Variants in EPHA6 observed in about 807,000 individuals in gnomAD.
The protein encoded by EPHA6 is EPH receptor A6.
In EPHA6, 50 loss-of-function variants were observed where a neutral mutation model predicts 112.0. The observed-to-expected ratio is 0.45, with a 90% CI of 0.36 to 0.56. EPHA6 has a LOEUF of 0.56. Among genes scored for constraint, EPHA6 ranks in the 20% least tolerant of loss-of-function variants. EPHA6 has a pLI of 0.00. For synonymous variants in EPHA6, 529 were observed against 490.7 expected (o/e 1.08, Z -1.03); for missense variants, 1,280 against 1,417.4 (o/e 0.90, Z 1.56).
intron 14 of EPHA6, among the ~76,000 whole-genome samples, chr3:97,702,322 A>G (rs1328895626): frequency 6.6e-6 from 1 of 152,202 alleles, no homozygotes; most frequent in Non-Finnish European, 1.5e-5. Context: ...CTAATGAGCC[A>G]TTATATTACT....
chr3:96,873,445 G>A (rs1559790359), intron 2 of EPHA6, among the ~76,000 whole-genome samples: 2 of 151,968 alleles, frequency 1.3e-5, no homozygotes, highest in African/African-American at 2.4e-5. Context: ...AAAATAATAC[G>A]TTTTCAACTG....
intron 5 of EPHA6, among the ~76,000 whole-genome samples, chr3:97,384,303 G>T (rs956244544): frequency 6.6e-6 from 1 of 152,232 alleles, no homozygotes; most frequent in African/African-American, 2.4e-5. Flanking sequence ...AGGAAACAGA[G>T]AAGTTACCTA....
At chr3:97,378,335 G>T (rs192480331) in intron 5 of EPHA6, among the ~76,000 whole-genome samples, 48 of 152,282 alleles carry the variant, frequency 3.2e-4, no homozygotes, top group Admixed American at 2.0e-3. Context: ...AAAATATATG[G>T]AAATGCCTGG....
At chr3:97,614,709 A>C (rs548976233) in intron 13 of EPHA6, among the ~76,000 whole-genome samples, 1 of 152,170 alleles carries the variant, frequency 6.6e-6, no homozygotes, top group East Asian at 1.9e-4. Flanking sequence ...GGGGTCATCT[A>C]TAAACCAAAA....
intron 10 of EPHA6, among the ~76,000 whole-genome samples, chr3:97,494,816 T>C (rs980388204): frequency 1.3e-5 from 2 of 152,188 alleles, no homozygotes; most frequent in Admixed American, 1.3e-4. Context: ...ACCATTACCC[T>C]TCAAATAGTT....
intron 11 of EPHA6, among the ~76,000 whole-genome samples, chr3:97,581,717 T>C (rs1416750622): frequency 6.6e-6 from 1 of 152,244 alleles, no homozygotes; most frequent in Non-Finnish European, 1.5e-5. Context: ...CAGCAAGCTA[T>C]GCACAGCAAA....
chr3:96,894,355 C>T (rs1199423171), intron 2 of EPHA6, among the ~76,000 whole-genome samples: 1 of 152,084 alleles, frequency 6.6e-6, no homozygotes, highest in Non-Finnish European at 1.5e-5. Context: ...AATGCTCCTG[C>T]ATATCCTCCT....
chr3:96,965,753 A>G (rs1023175194), intron 2 of EPHA6, among the ~76,000 whole-genome samples: 1 of 152,096 alleles, frequency 6.6e-6, no homozygotes, highest in Admixed American at 6.6e-5. Context: ...ACATTTGTTT[A>G]TACTATGTAT....
intron 3 of EPHA6, among the ~76,000 whole-genome samples, chr3:96,997,157 T>G (rs2043452736): frequency 6.6e-6 from 1 of 152,044 alleles, no homozygotes; most frequent in Non-Finnish European, 1.5e-5. Flanking sequence ...TAATTCCATG[T>G]TAGGGTCTTA....
intron 14 of EPHA6, among the ~76,000 whole-genome samples, chr3:97,698,348 T>C (rs1327595727): frequency 3.3e-5 from 5 of 152,180 alleles, no homozygotes; most frequent in Admixed American, 2.6e-4. Context: ...ATAGACATTT[T>C]CTTCAGAAGA....
At chr3:97,006,118 G>C (rs577913836) in intron 3 of EPHA6, among the ~76,000 whole-genome samples, 1 of 152,258 alleles carries the variant, frequency 6.6e-6, no homozygotes, top group African/African-American at 2.4e-5. Context: ...GTATCAGGAT[G>C]ATGTTGGCTT....
chr3:96,864,454 A>G (rs777638686), intron 1 of EPHA6, among the ~76,000 whole-genome samples: 2 of 152,096 alleles, frequency 1.3e-5, no homozygotes, highest in Non-Finnish European at 2.9e-5. Context: ...AAAAGGCTAC[A>G]TGCTATATGA....
intron 11 of EPHA6, among the ~76,000 whole-genome samples, chr3:97,591,849 G>A (rs1036317339): frequency 1.8e-4 from 27 of 152,166 alleles, no homozygotes; most frequent in African/African-American, 5.1e-4. Context: ...CCACGTGGCA[G>A]TGACTCCCCT....
chr3:97,263,062 G>C (rs2079552679), intron 5 of EPHA6, among the ~76,000 whole-genome samples: 1 of 152,104 alleles, frequency 6.6e-6, no homozygotes, highest in Admixed American at 6.5e-5. Flanking sequence ...TATCTCTTTG[G>C]ACATTTTGCT....
chr3:97,335,829 G>C (rs901153956), intron 5 of EPHA6, among the ~76,000 whole-genome samples: 1 of 152,210 alleles, frequency 6.6e-6, no homozygotes, highest in African/African-American at 2.4e-5. Flanking sequence ...TTCAGGGATT[G>C]GAGTTTTAAG....
chr3:96,887,217 G>T (rs939054883), intron 2 of EPHA6, among the ~76,000 whole-genome samples: 6 of 147,512 alleles, frequency 4.1e-5, no homozygotes, highest in Admixed American at 2.7e-4. Flanking sequence ...ATTTGGGTAG[G>T]CTCTGTCAGA....
At chr3:96,863,752 ATTAATGAAT>A (rs2036142670) in intron 1 of EPHA6, among the ~76,000 whole-genome samples, 2 of 152,038 alleles carry the variant, frequency 1.3e-5, no homozygotes, top group South Asian at 4.1e-4. Context: ...AATTAAATGA[ATTAATGAAT>A]TAACTTATTG....
At chr3:97,698,908 A>C (rs2033202418) in intron 14 of EPHA6, among the ~76,000 whole-genome samples, 1 of 152,198 alleles carries the variant, frequency 6.6e-6, no homozygotes, top group Admixed American at 6.5e-5. Context: ...ATGACAAGTA[A>C]ATATGTCTGT....
chr3:97,492,362 G>T (rs2091862619), intron 10 of EPHA6, among the ~76,000 whole-genome samples: 1 of 151,196 alleles, frequency 6.6e-6, no homozygotes, highest in Non-Finnish European at 1.5e-5. Context: ...GGCCAACGTG[G>T]TAAAACCCAG....
Sources: gnomAD v4.1 joint callset for allele counts (sites outside exome capture counted in the v4.1 genomes callset) on GRCh38, gnomAD v4.1.1 for gene constraint, MANE v1.5 for transcripts, NCBI Gene and HGNC (gene_info 2026-07-23, HGNC 2026-07-21) for gene names.